AKR1C8: variants seen among roughly 807,000 people sequenced by gnomAD.
AKR1C8 encodes the protein aldo-keto reductase family 1 member C8.
At chr10:5,147,285 T>A in the AKR1C8 span, among the ~76,000 whole-genome samples, 2 of 152,034 alleles carry the variant, frequency 1.3e-5, no homozygotes, top group African/African-American at 4.8e-5. Flanking sequence ...ACCATAACAA[T>A]CCCACTAGGC....
At chr10:5,141,877 T>A in the AKR1C8 span, among the ~76,000 whole-genome samples, 4,801 of 152,212 alleles carry the variant, frequency 0.032, 257 homozygotes, top group African/African-American at 0.11. Context: ...GGTTTTATCC[T>A]GAAATCACCA....
chr10:5,154,384 A>G, the AKR1C8 span: 30 of 238,874 alleles, frequency 1.3e-4, no homozygotes, highest in South Asian at 1.3e-3. Flanking sequence ...TGACTTATTT[A>G]AATATAATCA....
chr10:5,176,077 C>G, the AKR1C8 span, among the ~76,000 whole-genome samples: 1 of 151,712 alleles, frequency 6.6e-6, no homozygotes, highest in African/African-American at 2.4e-5. Context: ...AATGGTAATG[C>G]CTAGGTTTTC....
the AKR1C8 span, among the ~76,000 whole-genome samples, chr10:5,137,313 C>T: frequency 0.39 from 59,519 of 151,812 alleles, 12,470 homozygotes; most frequent in Non-Finnish European, 0.43. Context: ...GAATTTTAGA[C>T]CAATATCCCT....
the AKR1C8 span, among the ~76,000 whole-genome samples, chr10:5,127,157 G>A: frequency 6.6e-6 from 1 of 151,840 alleles, no homozygotes; most frequent in Non-Finnish European, 1.5e-5. Context: ...AATTTAGAAG[G>A]TTCATTATTA....
chr10:5,166,868 A>G, the AKR1C8 span, among the ~76,000 whole-genome samples: 3 of 152,204 alleles, frequency 2.0e-5, no homozygotes, highest in African/African-American at 7.2e-5. Flanking sequence ...AGAATGGGAG[A>G]AAATTTTTGC....
chr10:5,146,727 C>G, the AKR1C8 span, among the ~76,000 whole-genome samples: 4 of 152,100 alleles, frequency 2.6e-5, no homozygotes, highest in Non-Finnish European at 5.9e-5. Context: ...TGCAAAAGCT[C>G]TTTAGTTTAA....
chr10:5,147,877 A>G, the AKR1C8 span, among the ~76,000 whole-genome samples: 9 of 152,298 alleles, frequency 5.9e-5, no homozygotes, highest in African/African-American at 1.9e-4. Context: ...TAGAAACACC[A>G]TGGTGACTTC....
chr10:5,128,302 G>T, the AKR1C8 span, among the ~76,000 whole-genome samples: 2 of 152,002 alleles, frequency 1.3e-5, no homozygotes, highest in African/African-American at 4.8e-5. Context: ...TCAACCAAAA[G>T]ACTGTTATAC....
chr10:5,176,110 A>G, the AKR1C8 span, among the ~76,000 whole-genome samples: 11 of 151,732 alleles, frequency 7.2e-5, no homozygotes, highest in Admixed American at 2.6e-4. Context: ...TATGGTTTTA[A>G]GTCTAACGTT....
At chr10:5,171,713 T>C in the AKR1C8 span, among the ~76,000 whole-genome samples, 6 of 152,234 alleles carry the variant, frequency 3.9e-5, no homozygotes, top group East Asian at 9.7e-4. Flanking sequence ...ATTGTGCTTT[T>C]ATTTTAATGC....
chr10:5,128,972 G>A, the AKR1C8 span, among the ~76,000 whole-genome samples: 539 of 152,050 alleles, frequency 3.5e-3, 7 homozygotes, highest in Non-Finnish European at 5.4e-3. Context: ...CGCCAACTGC[G>A]GAACATACAT....
the AKR1C8 span, chr10:5,162,986 ACTTTGGTGG>A: frequency 1.9e-6 from 1 of 534,372 alleles, no homozygotes; most frequent in East Asian, 5.5e-5. Context: ...GTCAATAGCC[ACTTTGGTGG>A]CCTCGGCAGC....
chr10:5,170,784 AG>A, the AKR1C8 span, among the ~76,000 whole-genome samples: 1 of 152,172 alleles, frequency 6.6e-6, no homozygotes, highest in Non-Finnish European at 1.5e-5. Context: ...TAAAATAACC[AG>A]TTTTTCCAAT....
At chr10:5,169,426 G>A in the AKR1C8 span, among the ~76,000 whole-genome samples, 1 of 152,156 alleles carries the variant, frequency 6.6e-6, no homozygotes, top group Non-Finnish European at 1.5e-5. Flanking sequence ...TCTACGAAAT[G>A]GCCATGATTC....
At chr10:5,174,731 T>G in the AKR1C8 span, among the ~76,000 whole-genome samples, 1 of 151,760 alleles carries the variant, frequency 6.6e-6, no homozygotes, top group Non-Finnish European at 1.5e-5. Flanking sequence ...ACAAACTATG[T>G]AAAAACAGGA....
chr10:5,179,434 G>A, the AKR1C8 span, among the ~76,000 whole-genome samples: 3 of 152,026 alleles, frequency 2.0e-5, no homozygotes, highest in East Asian at 5.8e-4. Context: ...TTTCAACTTT[G>A]GTGAATCTGA....
chr10:5,120,125 C>T, the AKR1C8 span, among the ~76,000 whole-genome samples: 376 of 152,312 alleles, frequency 2.5e-3, no homozygotes, highest in Non-Finnish European at 4.0e-3. Context: ...AATCTTAAAC[C>T]GCAAACAATA....
chr10:5,115,944 C>A, the AKR1C8 span, among the ~76,000 whole-genome samples: 2 of 152,150 alleles, frequency 1.3e-5, no homozygotes. Flanking sequence ...TGACTACCTT[C>A]TTCTACTACC....
Sources: allele counts gnomAD v4.1 joint callset (sites outside exome capture counted in the v4.1 genomes callset), GRCh38; gene constraint gnomAD v4.1.1; transcripts MANE v1.5; gene names NCBI Gene and HGNC (gene_info 2026-07-23, HGNC 2026-07-21).